ERC1: variants seen among roughly 807,000 people sequenced by gnomAD.
ERC1 encodes RAB6 interacting protein 2.
ERC1 carries 56 observed loss-of-function variants against 132.0 expected under a neutral mutation model. The ratio of observed to expected loss-of-function variants is 0.42; its 90% CI spans 0.34 to 0.53. The LOEUF (loss-of-function observed/expected upper bound fraction) is 0.53. Ranked by LOEUF, ERC1 falls within the 20% of genes least tolerant of loss-of-function variation. The pLI, the probability that ERC1 is intolerant of heterozygous loss-of-function variation, is 0.03. For missense variants in ERC1, 1,202 were observed against 1,349.9 expected (o/e 0.89, Z 1.72); for synonymous variants, 478 against 476.1 (o/e 1.00, Z -0.05).
At chr12:1,031,938 A>T (rs944641647) in intron 2 of ERC1, among the ~76,000 whole-genome samples, 3 of 152,254 alleles carry the variant, frequency 2.0e-5, no homozygotes, top group Admixed American at 2.0e-4. Flanking sequence ...AGCTAAGTAC[A>T]ATCTCTGGAG....
chr12:1,190,268 G>A, intron 12 of ERC1: 1 of 686,180 alleles, frequency 1.5e-6, no homozygotes, highest in Admixed American at 1.9e-5. Flanking sequence ...GGAAGCTATG[G>A]GCTGTAACAT....
intron 8 of ERC1, among the ~76,000 whole-genome samples, chr12:1,166,737 T>G (rs1304267485): frequency 1.3e-5 from 2 of 152,226 alleles, no homozygotes; most frequent in East Asian, 3.9e-4. Context: ...TGGGTAAAGA[T>G]AGATTTGTTT....
At chr12:1,054,713 C>T (rs1184515246) in intron 2 of ERC1, among the ~76,000 whole-genome samples, 2 of 152,120 alleles carry the variant, frequency 1.3e-5, no homozygotes, top group African/African-American at 2.4e-5. Flanking sequence ...TTTAACAAAG[C>T]ATTGTCTAAT....
At chr12:1,145,242 C>T (rs1950242828) in intron 8 of ERC1, among the ~76,000 whole-genome samples, 1 of 152,138 alleles carries the variant, frequency 6.6e-6, no homozygotes, top group African/African-American at 2.4e-5. Flanking sequence ...GTCTTGAACT[C>T]CTGATCTCAG....
chr12:1,277,860 T>C (rs2078383653), intron 14 of ERC1, among the ~76,000 whole-genome samples: 1 of 152,238 alleles, frequency 6.6e-6, no homozygotes, highest in Non-Finnish European at 1.5e-5. Flanking sequence ...ATATTTTTAA[T>C]GTTTCAGGTA....
chr12:1,012,520 T>C (rs1964859776), intron 1 of ERC1, among the ~76,000 whole-genome samples: 1 of 146,832 alleles, frequency 6.8e-6, no homozygotes, highest in Non-Finnish European at 1.5e-5. Context: ...GTCAACAGGC[T>C]GGAGTGTTGT....
intron 13 of ERC1, among the ~76,000 whole-genome samples, 174 bp from the exon 14 acceptor site, chr12:1,262,860 C>CCTTTA (rs147689768): frequency 0.047 from 7,139 of 152,292 alleles, 423 homozygotes; most frequent in African/African-American, 0.14. Context: ...TCTTCAGCCT[C>CCTTTA]CTTCTTTCCT....
chr12:1,309,035 C>T (rs1006728387), intron 15 of ERC1, among the ~76,000 whole-genome samples: 4 of 152,202 alleles, frequency 2.6e-5, no homozygotes, highest in African/African-American at 9.7e-5. Flanking sequence ...CATCTGTGAA[C>T]CAGAAAGCGG....
intron 1 of ERC1, among the ~76,000 whole-genome samples, chr12:1,021,604 C>A (rs1396089626): frequency 1.3e-5 from 2 of 150,880 alleles, no homozygotes; most frequent in Admixed American, 6.6e-5. Flanking sequence ...GAGGCTGAGG[C>A]AGAAGAATGG....
chr12:1,100,729 C>CT (rs1944566016), intron 3 of ERC1, among the ~76,000 whole-genome samples: 1 of 152,144 alleles, frequency 6.6e-6, no homozygotes, highest in African/African-American at 2.4e-5. Flanking sequence ...CAGGAGGTCA[C>CT]TTGCAGATGT....
At chr12:1,264,860 G>T (rs1455942331) in intron 14 of ERC1, among the ~76,000 whole-genome samples, 2 of 152,100 alleles carry the variant, frequency 1.3e-5, no homozygotes, top group Non-Finnish European at 2.9e-5. Context: ...AGTTAAGGTA[G>T]CTATAGTAAA....
chr12:1,221,918 T>A (rs921116614), intron 12 of ERC1, among the ~76,000 whole-genome samples: 2 of 152,196 alleles, frequency 1.3e-5, no homozygotes, highest in African/African-American at 4.8e-5. Context: ...CTGAGAAACA[T>A]CACTATGTGG....
At chr12:1,174,566 C>G (rs1449525362) in intron 8 of ERC1, among the ~76,000 whole-genome samples, 3 of 152,160 alleles carry the variant, frequency 2.0e-5, no homozygotes, top group Non-Finnish European at 2.9e-5. Context: ...AACTACATAT[C>G]AGGTATAAAA....
intron 8 of ERC1, among the ~76,000 whole-genome samples, chr12:1,148,676 C>G (rs1473345261): frequency 6.6e-6 from 1 of 152,004 alleles, no homozygotes; most frequent in Non-Finnish European, 1.5e-5. Context: ...ATATTGGCTC[C>G]CTGCAACCTC....
intron 1 of ERC1, among the ~76,000 whole-genome samples, chr12:1,013,945 A>T (rs1010255032): frequency 6.6e-6 from 1 of 152,062 alleles, no homozygotes; most frequent in African/African-American, 2.4e-5. Context: ...CGTGTTGCCC[A>T]GGCTGATCTG....
At chr12:1,284,370 G>C (rs1357910427) in intron 14 of ERC1, among the ~76,000 whole-genome samples, 1 of 150,126 alleles carries the variant, frequency 6.7e-6, no homozygotes, top group African/African-American at 2.4e-5. Flanking sequence ...TCCGTATTTT[G>C]GCTATTGTGA....
chr12:1,493,878 C>A lies in ERC1; in HGVS notation c.*3648C>A. ...GACACGGTCTTAGCCACCTGCTGAA[C>A]TAATCCCTCCGCTATTGAGGGTCAG... On this transcript the variant is annotated 3_prime_UTR_variant, in exon 19 of 19. Transcript: ENST00000360905. The A allele has an allele frequency of 4.4e-6, 1 of 229,388 alleles. No individual in the cohort carries two copies. The allele number at this position is 229,388 out of a possible 1,614,324, so 14.2% of individuals were successfully genotyped here.
chr12:1,365,964 CAA>C (rs1591558469), intron 15 of ERC1, among the ~76,000 whole-genome samples: 1 of 152,088 alleles, frequency 6.6e-6, no homozygotes, highest in East Asian at 1.9e-4. Context: ...AAGCCAGTCA[CAA>C]AAAGACAAAT....
At chr12:1,041,619 G>T (rs1376564870) in intron 2 of ERC1, among the ~76,000 whole-genome samples, 2 of 152,218 alleles carry the variant, frequency 1.3e-5, no homozygotes, top group Non-Finnish European at 2.9e-5. Context: ...TCACTCTTTA[G>T]CTGAGATCTC....
Sources: allele counts gnomAD v4.1 joint callset (sites outside exome capture counted in the v4.1 genomes callset), GRCh38; gene constraint gnomAD v4.1.1; transcripts MANE v1.5; gene names NCBI Gene and HGNC (gene_info 2026-07-23, HGNC 2026-07-21).